USP28: variants seen among roughly 807,000 people sequenced by gnomAD.
USP28 encodes the protein ubiquitin specific peptidase 28, also known as ubiquitin carboxyl-terminal hydrolase 28.
Under a neutral mutation model 145.0 loss-of-function variants are expected in USP28, and 113 were observed. The ratio of observed to expected loss-of-function variants is 0.78; its 90% confidence interval spans 0.67 to 0.91. The LOEUF (loss-of-function observed/expected upper bound fraction) is 0.91, where lower values mean the gene tolerates loss of function less well. USP28 is among the 40% of genes least tolerant of loss of function. The probability of loss-of-function intolerance (pLI) is 0.00; values close to 1 mark genes in which losing one functional copy is unlikely to be tolerated. For missense variants in USP28, 1,201 were observed against 1,289.6 expected (o/e 0.93, Z 1.05); for synonymous variants, 447 against 450.9 (o/e 0.99, Z 0.11).
At chr11:113,831,858 A>G in intron 8 of USP28, 62 bp downstream of exon 8, 1 of 1,519,812 alleles carries the variant, frequency 6.6e-7, no homozygotes, top group Non-Finnish European at 9.1e-7. Flanking sequence ...ACTTTCCAGC[A>G]TATAATTCTC....
intron 24 of USP28, among the ~76,000 whole-genome samples, chr11:113,799,844 CATA>C (rs1938629119): frequency 6.6e-6 from 1 of 152,108 alleles, no homozygotes; most frequent in South Asian, 2.1e-4. Flanking sequence ...AAAAAAAATT[CATA>C]ATGTTTTAAG....
chr11:113,849,288 T>C (rs986138647), intron 3 of USP28, among the ~76,000 whole-genome samples: 1 of 152,182 alleles, frequency 6.6e-6, no homozygotes, highest in Admixed American at 6.6e-5. Context: ...CAGCTCCCAA[T>C]AGACCAATAA....
At chr11:113,806,808 C>T (rs747456032) in intron 18 of USP28, among the ~76,000 whole-genome samples, 40 of 152,184 alleles carry the variant, frequency 2.6e-4, no homozygotes, top group Non-Finnish European at 4.7e-4. Flanking sequence ...GCTATTCCTA[C>T]GCTCTATGTT....
chr11:113,834,278 T>G lies in USP28; in HGVS notation c.592A>C (p.Asn198His). The G allele has an allele frequency of 1.9e-6, 3 of 1,612,040 alleles. No individual in the cohort carries two copies. Among genetic ancestry groups the G allele is most frequent in the Non-Finnish European group, 2.5e-6 (3 of 1,179,188 alleles). ...TGACTTCGACAATTTTCAAGTACAT[T>G]TTGTGGCAGACTATAACTGAGAACA... Residue 198 changes from asparagine to histidine, a missense_variant, in exon 6 of 25, where the codon AAT becomes CAT. Coordinates refer to ENST00000003302, the Ensembl canonical transcript of USP28.
chr11:113,870,494 C>T (rs1283650200), intron 1 of USP28, among the ~76,000 whole-genome samples: 2 of 152,190 alleles, frequency 1.3e-5, no homozygotes, highest in African/African-American at 4.8e-5. Context: ...ATCGCTGCAC[C>T]CCAGTCTGGG....
At chr11:113,811,597 A>T (rs1940993235) in intron 16 of USP28, among the ~76,000 whole-genome samples, 1 of 152,198 alleles carries the variant, frequency 6.6e-6, no homozygotes, top group African/African-American at 2.4e-5. Flanking sequence ...GTGAGGCAGG[A>T]GAATCACTTC....
At chr11:113,833,587 CAA>C (rs746742412) in intron 6 of USP28, 30 bp from the exon 7 acceptor site, 15 of 1,578,588 alleles carry the variant, frequency 9.5e-6, no homozygotes, top group Non-Finnish European at 1.3e-5. Flanking sequence ...TGTACTCTTA[CAA>C]TATCTCATTT....
intron 18 of USP28, chr11:113,807,986 G>C: frequency 3.4e-6 from 4 of 1,190,288 alleles, no homozygotes; most frequent in Non-Finnish European, 3.2e-6. Context: ...GATCTAACCA[G>C]AATCCTTCCC....
intron 1 of USP28, among the ~76,000 whole-genome samples, chr11:113,855,419 G>A (rs1041942844): frequency 5.3e-5 from 8 of 152,136 alleles, no homozygotes; most frequent in African/African-American, 1.4e-4. Flanking sequence ...AAAGTAGTTC[G>A]AAATTAATTC....
At chr11:113,803,405 G>T in intron 22 of USP28, 124 bp from the exon 24 acceptor site, 1 of 1,116,584 alleles carries the variant, frequency 9.0e-7, no homozygotes, top group Non-Finnish European at 1.2e-6. Context: ...AAGGACCAAA[G>T]ACCGTAGCCA....
chr11:113,809,228 T>C (rs768672392), exon 17 of USP28: 2 of 1,614,176 alleles, frequency 1.2e-6, no homozygotes, highest in Non-Finnish European at 1.7e-6. Flanking sequence ...ACTTCTGACA[T>C]TTGATCTGAT....
chr11:113,808,992 G>T (rs1190929708), intron 17 of USP28, 71 bp downstream of exon 17: 1 of 1,481,882 alleles, frequency 6.7e-7, no homozygotes, highest in Non-Finnish European at 9.3e-7. Flanking sequence ...CAGCTGAAGG[G>T]TATAGGGCTG....
At chr11:113,822,073 A>G (rs910335227) in intron 12 of USP28, among the ~76,000 whole-genome samples, 1 of 152,218 alleles carries the variant, frequency 6.6e-6, no homozygotes, top group African/African-American at 2.4e-5. Flanking sequence ...GTCTCCTGGT[A>G]AATTGGTATT....
intron 1 of USP28, among the ~76,000 whole-genome samples, chr11:113,864,506 C>T (rs960874443): frequency 2.0e-5 from 3 of 152,114 alleles, no homozygotes; most frequent in African/African-American, 7.2e-5. Flanking sequence ...ACCCAAGAAC[C>T]AGGAAAGTTG....
intron 3 of USP28, among the ~76,000 whole-genome samples, chr11:113,850,859 G>C (rs981684436): frequency 1.3e-5 from 2 of 152,158 alleles, no homozygotes; most frequent in African/African-American, 4.8e-5. Context: ...CCTCTCCTCT[G>C]AACTGTGCAC....
At chr11:113,845,883 G>A (rs186982190) in intron 3 of USP28, among the ~76,000 whole-genome samples, 18 of 152,196 alleles carry the variant, frequency 1.2e-4, no homozygotes, top group African/African-American at 4.3e-4. Context: ...ACTAAAACAG[G>A]GTCTTGTAGA....
At position 113,833,130 on chromosome 11, in the gene USP28, C is replaced by T. The variant is rs538806766; in HGVS notation, c.759+290G>A. 2.2e-3 allele frequency among the ~76,000 whole-genome samples: 329 copies of T among 152,192 alleles called. 2 individuals carry two copies. The highest frequency in any genetic ancestry group is 7.7e-3 in the African/African-American group (318 of 41,526). On this transcript the variant is annotated intron_variant, in intron 7 of 24. Coordinates refer to ENST00000003302, the Ensembl canonical transcript of USP28. ...TGTTACAGCTCATTGAGGTATTTTC[C>T]AATCTCCTCCTTTCTACATCAATAG...
At chr11:113,854,284 G>C (rs764785803) in exon 2 of USP28, 3 of 1,613,842 alleles carry the variant, frequency 1.9e-6, no homozygotes. Context: ...AGAAAGGAAG[G>C]GTCCTGAATG....
chr11:113,832,101 T>C, intron 7 of USP28, 108 bp from the exon 8 acceptor site: 1 of 940,700 alleles, frequency 1.1e-6, no homozygotes, highest in East Asian at 2.7e-5. Flanking sequence ...TAAAAGCATT[T>C]CTTTTTTTCT....
Sources: allele counts gnomAD v4.1 joint callset (sites outside exome capture counted in the v4.1 genomes callset), GRCh38; gene constraint gnomAD v4.1.1; transcripts MANE v1.5; gene names NCBI Gene and HGNC (gene_info 2026-07-23, HGNC 2026-07-21).